The following NHLRC2 variants were observed in gnomAD, a reference collection of about 807,000 sequenced individuals.
The protein encoded by NHLRC2 is NHL repeat containing 2.
A neutral mutation model predicts 68.1 loss-of-function variants in NHLRC2; 33 were observed. That is an observed-to-expected ratio of 0.48 (90% CI 0.37 to 0.65). The LOEUF (loss-of-function observed/expected upper bound fraction) is 0.65. Ranked by LOEUF, NHLRC2 falls within the 30% of genes least tolerant of loss-of-function variation. NHLRC2 has a pLI of 0.00. For missense variants in NHLRC2, 761 were observed against 853.8 expected (o/e 0.89, Z 1.35); for synonymous variants, 311 against 309.6 (o/e 1.00, Z -0.05).
intron 5 of NHLRC2, among the ~76,000 whole-genome samples, chr10:113,896,692 A>G (rs1846181080): frequency 1.3e-5 from 2 of 152,054 alleles, no homozygotes; most frequent in Non-Finnish European, 2.9e-5. Context: ...AATAAAAGAA[A>G]AAAAAGTATT....
intron 5 of NHLRC2, among the ~76,000 whole-genome samples, chr10:113,897,330 C>T (rs978629608): frequency 6.6e-6 from 1 of 152,152 alleles, no homozygotes; most frequent in Non-Finnish European, 1.5e-5. Context: ...TATTAATACT[C>T]ACTGTAAAAT....
chr10:113,903,521 T>G lies in NHLRC2; in HGVS notation c.1495-6T>G. On this transcript the variant is annotated splice_polypyrimidine_tract_variant and splice_region_variant and intron_variant, in intron 8 of 10. Coordinates refer to ENST00000369301, the MANE Select transcript of NHLRC2 (RefSeq NM_198514.4). ...GTTATATAAGTTTTTGTTCTTTCTT[T>G]TTTAGATTAAAGTTGTGGATCCAAA... The G allele has an allele frequency of 6.4e-7, 1 of 1,573,506 alleles. No homozygotes were observed. Among genetic ancestry groups the G allele is most frequent in the Non-Finnish European group, 8.7e-7 (1 of 1,148,430 alleles).
intron 3 of NHLRC2, among the ~76,000 whole-genome samples, chr10:113,878,825 G>A (rs1846009667): frequency 6.6e-6 from 1 of 152,126 alleles, no homozygotes; most frequent in Non-Finnish European, 1.5e-5. Flanking sequence ...CACTGTGCCA[G>A]GCCTTGGGTT....
intron 3 of NHLRC2, among the ~76,000 whole-genome samples, chr10:113,877,274 C>T (rs1225823540): frequency 6.8e-6 from 1 of 148,068 alleles, no homozygotes; most frequent in Non-Finnish European, 1.5e-5. Context: ...AACTGCTGTA[C>T]TTACTGTTTC....
In NHLRC2 at chr10:113,908,316, G is replaced by A. The variant is rs1846293415; in HGVS notation, c.1961G>A (p.Gly654Glu). 2 of 1,613,538 alleles carry A rather than the reference G, an allele frequency of 1.2e-6. No homozygotes were observed. The highest frequency in any genetic ancestry group is 2.7e-5 in the African/African-American group (2 of 74,914). The part of the protein sequence containing the change: ...EWLLQGQIAA[G>E]DIENISSQPT... Reference sequence around the variant, plus strand: ...CTACTTCAAGGACAGATAGCAGCTGGAGATATAGAGAACATTTCCAGTCAA... The same window carrying A: ...CTACTTCAAGGACAGATAGCAGCTGAAGATATAGAGAACATTTCCAGTCAA... The change falls in exon 11 of 11, where the codon GGA (glycine) becomes GAA (glutamate). Residue 654 changes from glycine to glutamate, a missense_variant. Coordinates refer to ENST00000369301, the MANE Select transcript of NHLRC2 (RefSeq NM_198514.4).
At chr10:113,893,541 G>A (rs1017212987) in intron 5 of NHLRC2, among the ~76,000 whole-genome samples, 3 of 152,166 alleles carry the variant, frequency 2.0e-5, no homozygotes, top group Admixed American at 1.3e-4. Context: ...TGACCTGGGT[G>A]ATGATTATCA....
rs1846346615 is a variant in NHLRC2, at chr10:113,913,310, C to T, written c.*4774C>T. 1 of 152,034 alleles carries T rather than the reference C, an allele frequency of 6.6e-6. No homozygotes were observed. Among genetic ancestry groups the T allele is most frequent in the South Asian group, 2.1e-4 (1 of 4,818 alleles). The allele number at this position is 152,034 out of a possible 1,614,324, so 9.4% of individuals were successfully genotyped here. ...ATTTATAGTAACTTAATCCAAAGAA[C>T]CCCAAAAGTACTAGCAATGATTGTT... On this transcript the variant is annotated 3_prime_UTR_variant, in exon 11 of 11. Transcript: ENST00000369301.
intron 5 of NHLRC2, among the ~76,000 whole-genome samples, chr10:113,888,744 A>G (rs956072563): frequency 7.9e-5 from 12 of 151,874 alleles, no homozygotes; most frequent in African/African-American, 2.9e-4. Context: ...TAAAATGTGT[A>G]TCAGGTCTGT....
At chr10:113,901,929 G>C (rs375158975) in intron 7 of NHLRC2, 32 bp downstream of exon 7, 1 of 1,407,306 alleles carries the variant, frequency 7.1e-7, no homozygotes, top group African/African-American at 1.4e-5. Context: ...CAGTGCGCTC[G>C]GACACTGAGC....
chr10:113,859,548 T>C (rs997823048), intron 2 of NHLRC2, among the ~76,000 whole-genome samples: 10 of 152,324 alleles, frequency 6.6e-5, no homozygotes, highest in Middle Eastern at 3.4e-3. Flanking sequence ...TGCTTTTGAA[T>C]TGTAATACAT....
At chr10:113,887,777 A>G (rs1385011381) in intron 5 of NHLRC2, among the ~76,000 whole-genome samples, 3 of 152,208 alleles carry the variant, frequency 2.0e-5, no homozygotes, top group Non-Finnish European at 1.5e-5. Context: ...GTCTCTAAAA[A>G]AACAAAAAGA....
At chr10:113,858,324 T>G (rs1845780985) in intron 1 of NHLRC2, among the ~76,000 whole-genome samples, 1 of 152,078 alleles carries the variant, frequency 6.6e-6, no homozygotes, top group African/African-American at 2.4e-5. Flanking sequence ...AGATATATCT[T>G]TTATTTCTTT....
At chr10:113,860,027 T>G (rs1407503181) in intron 2 of NHLRC2, among the ~76,000 whole-genome samples, 1 of 152,154 alleles carries the variant, frequency 6.6e-6, no homozygotes, top group African/African-American at 2.4e-5. Context: ...GTGGCAAGAT[T>G]GTAAGAGTTC....
intron 2 of NHLRC2, among the ~76,000 whole-genome samples, chr10:113,875,285 A>T (rs1349567531): frequency 1.3e-5 from 2 of 152,100 alleles, no homozygotes; most frequent in African/African-American, 4.8e-5. Context: ...AAACCCAGTT[A>T]TTCAGTTATC....
rs145708030 is a variant in NHLRC2 at position 113,874,649 on chromosome 10, A to G, written c.332-1872A>G. 5.8e-3 allele frequency among the ~76,000 whole-genome samples: 883 copies of G among 152,122 alleles called. 9 individuals are homozygous for G. The highest frequency in any genetic ancestry group is 0.019 in the African/African-American group (802 of 41,506). On this transcript the variant is annotated intron_variant, in intron 2 of 10. Transcript: ENST00000369301. ...TTACTCAGTTATTTTTTTCTGCCCC[A>G]ATCTTATTTATTCACTTTTTCTGGG...
intron 2 of NHLRC2, among the ~76,000 whole-genome samples, chr10:113,876,002 C>G (rs1217894524): frequency 6.7e-6 from 1 of 149,544 alleles, no homozygotes; most frequent in Non-Finnish European, 1.5e-5. Context: ...TACAGAAAGG[C>G]TTGTTCTAAG....
chr10:113,865,568 TCTTTTTTTTTTTTTTAATATAACTTCGA>T (rs1845859230), intron 2 of NHLRC2, among the ~76,000 whole-genome samples: 1 of 150,998 alleles, frequency 6.6e-6, no homozygotes, highest in Non-Finnish European at 1.5e-5. Context: ...GGCTTTCTTT[TCTTTTTTTTTTTTTTAATATAACTTCGA>T]CTTTTTTTTT....
intron 10 of NHLRC2, among the ~76,000 whole-genome samples, chr10:113,907,578 T>G (rs565976300): frequency 2.0e-5 from 3 of 152,364 alleles, no homozygotes; most frequent in African/African-American, 7.2e-5. Context: ...AAAGATGATT[T>G]TAATTCTTGA....
At chr10:113,857,589 T>TA (rs1845771857) in intron 1 of NHLRC2, among the ~76,000 whole-genome samples, 1 of 152,200 alleles carries the variant, frequency 6.6e-6, no homozygotes, top group Non-Finnish European at 1.5e-5. Flanking sequence ...CTTCAAGGCA[T>TA]AATTAATAGT....
Sources: allele counts gnomAD v4.1 joint callset (sites outside exome capture counted in the v4.1 genomes callset), GRCh38; gene constraint gnomAD v4.1.1; transcripts MANE v1.5; gene names NCBI Gene and HGNC (gene_info 2026-07-23, HGNC 2026-07-21).